The following PABIR2 variants were observed in gnomAD, a reference collection of about 807,000 sequenced individuals.
PABIR2 encodes family with sequence similarity 122B.
Under a neutral mutation model 22.8 loss-of-function variants are expected in PABIR2, and 7 were observed. The observed-to-expected ratio is 0.31, with a 90% CI of 0.17 to 0.58. The LOEUF is 0.58. PABIR2 is among the 20% of genes least tolerant of loss of function. PABIR2 has a pLI of 0.89. For missense variants in PABIR2, 155 were observed against 205.1 expected (o/e 0.76, Z 1.49); for synonymous variants, 67 against 73.8 (o/e 0.91, Z 0.47).
At chrX:134,780,037 C>T (rs181559250) in intron 9 of PABIR2, among the ~76,000 whole-genome samples, 1 of 112,577 alleles carries the variant, frequency 8.9e-6, no homozygotes, top group East Asian at 2.8e-4. Context: ...ATAGCTAGAA[C>T]AATCTAAAAG....
At chrX:134,772,466 A>T (rs2078858681) in intron 9 of PABIR2, among the ~76,000 whole-genome samples, 183 bp from the exon 10 acceptor site, 1 of 110,743 alleles carries the variant, frequency 9.0e-6, no homozygotes, top group Non-Finnish European at 1.9e-5. Context: ...CCAAAGTAAG[A>T]CTCTTCGAGG....
Position 134,771,476 on chromosome X carries a change from G to A in PABIR2, c.*663C>T. 2 of 1,048,969 alleles carry A rather than the reference G, an allele frequency of 1.9e-6. No individual in the cohort carries two copies. Among genetic ancestry groups the A allele is most frequent in the Non-Finnish European group, 1.2e-6 (1 of 821,302 alleles). The allele number at this position is 1,048,969 out of a possible 1,213,427, so 86.4% of individuals were successfully genotyped here. A position where few individuals can be genotyped will look rare whatever the true frequency, so the allele number is the denominator to read the frequency against. On this transcript the variant is annotated 3_prime_UTR_variant, in exon 10 of 10. Coordinates refer to ENST00000343004, the MANE Select transcript of PABIR2 (RefSeq NM_001387468.1). ...ACTAATCCAAGCATCCTGTAAGTCCGTTTACATTCTCAGCACTAAAATCAA... is the reference window on the plus strand; with the variant it reads ...ACTAATCCAAGCATCCTGTAAGTCCATTTACATTCTCAGCACTAAAATCAA...
chrX:134,778,920 CT>C (rs1194349278), intron 9 of PABIR2, among the ~76,000 whole-genome samples: 1 of 110,693 alleles, frequency 9.0e-6, no homozygotes, highest in African/African-American at 3.3e-5. Flanking sequence ...TCACGCCATT[CT>C]TCCTGCCTCA....
chrX:134,770,809 G>GT lies in PABIR2; in HGVS notation c.*1329dup, dbSNP rs2078826890. The GT allele has an allele frequency of 8.9e-6, 1 of 112,562 alleles. No homozygotes were observed. Among genetic ancestry groups the GT allele is most frequent in the Non-Finnish European group, 1.9e-5 (1 of 53,400 alleles). 9.3% of individuals were successfully genotyped at this position (112,562 alleles called of 1,213,427 possible). ...TCTTTTAAAAATTAAATAACTTATG[G>GT]TACCTCACACTTATAGCACATACAC... On this transcript the variant is annotated 3_prime_UTR_variant, in exon 10 of 10. Coordinates refer to ENST00000343004, the MANE Select transcript of PABIR2 (RefSeq NM_001387468.1).
chrX:134,773,480 T>C (rs2078887772), intron 9 of PABIR2, among the ~76,000 whole-genome samples: 1 of 110,982 alleles, frequency 9.0e-6, no homozygotes, highest in Admixed American at 9.7e-5. Context: ...TATGAGAATA[T>C]ATAACATGGG....
rs1360524869 is a variant in PABIR2, at chrX:134,770,045, C to T, written c.*2094G>A. ...TCCATTTCCTGACCTAATTCTATCC[C>T]ACCATTGAATTTCAAAAATTAATGT... On this transcript the variant is annotated 3_prime_UTR_variant, in exon 10 of 10. Transcript: ENST00000343004. 1 of 112,093 alleles carries T rather than the reference C, an allele frequency of 8.9e-6. No homozygotes were observed. The highest frequency in any genetic ancestry group is 3.2e-5 in the African/African-American group (1 of 30,777). 9.2% of individuals were successfully genotyped at this position (112,093 alleles called of 1,213,427 possible).
At chrX:134,778,776 G>A (rs1401965502) in intron 9 of PABIR2, among the ~76,000 whole-genome samples, 1 of 110,908 alleles carries the variant, frequency 9.0e-6, no homozygotes, top group Non-Finnish European at 1.9e-5. Flanking sequence ...CACTCTATGA[G>A]TGGCTGTGAA....
At chrX:134,781,059 A>G (rs1022113567) in intron 9 of PABIR2, among the ~76,000 whole-genome samples, 5 of 112,556 alleles carry the variant, frequency 4.4e-5, no homozygotes, top group African/African-American at 1.6e-4. Context: ...GAGCAGCTAC[A>G]ATCAATACAC....
At chrX:134,779,443 T>C (rs948320397) in intron 9 of PABIR2, among the ~76,000 whole-genome samples, 1 of 110,464 alleles carries the variant, frequency 9.1e-6, no homozygotes, top group African/African-American at 3.3e-5. Flanking sequence ...TAAAATAAAA[T>C]AAAAAGTTTC....
chrX:134,772,761 C>T (rs2078870279), intron 9 of PABIR2, among the ~76,000 whole-genome samples: 1 of 111,693 alleles, frequency 9.0e-6, no homozygotes, highest in Non-Finnish European at 1.9e-5. Context: ...GTTATCACTT[C>T]CCCATTCCCA....
intron 6 of PABIR2, among the ~76,000 whole-genome samples, chrX:134,788,098 TAC>T (rs1399044455): frequency 9.8e-6 from 1 of 101,882 alleles, no homozygotes; most frequent in Admixed American, 1.1e-4. Flanking sequence ...GTGTAATATA[TAC>T]ACGTTATATA....
intron 7 of PABIR2, 40 bp from the exon 8 acceptor site, chrX:134,785,990 C>G: frequency 8.7e-7 from 1 of 1,150,587 alleles, no homozygotes; most frequent in Non-Finnish European, 1.2e-6. Context: ...GAAGAACATC[C>G]ACGATGCAAG....
intron 2 of PABIR2, 127 bp from the exon 3 acceptor site, chrX:134,789,763 C>T: frequency 1.7e-6 from 1 of 574,408 alleles, no homozygotes; most frequent in Non-Finnish European, 2.7e-6. Flanking sequence ...CTCTTTAGAT[C>T]ACTGAACGTT....
chrX:134,785,813 A>C (rs2079298432), intron 8 of PABIR2, 73 bp downstream of exon 8: 1 of 999,326 alleles, frequency 1.0e-6, no homozygotes, highest in African/African-American at 1.9e-5. Flanking sequence ...AGAACACTTA[A>C]GATCTACTTT....
At chrX:134,774,547 G>A (rs1454056881) in intron 9 of PABIR2, among the ~76,000 whole-genome samples, 1 of 110,518 alleles carries the variant, frequency 9.0e-6, no homozygotes, top group Non-Finnish European at 1.9e-5. Flanking sequence ...GGTGAATCCT[G>A]TATTCATTCA....
intron 6 of PABIR2, among the ~76,000 whole-genome samples, chrX:134,788,163 A>T: frequency 1.1e-5 from 1 of 88,418 alleles, no homozygotes; most frequent in African/African-American, 4.4e-5. Context: ...TATATGTGTA[A>T]TATATACACG....
At chrX:134,791,958 C>G (rs2079561326) in intron 2 of PABIR2, among the ~76,000 whole-genome samples, 1 of 111,740 alleles carries the variant, frequency 8.9e-6, no homozygotes, top group Non-Finnish European at 1.9e-5. Context: ...CACTTGGAGT[C>G]TTCCTTCTCT....
chrX:134,788,959 G>A, intron 5 of PABIR2, 126 bp downstream of exon 5: 1 of 1,038,573 alleles, frequency 9.6e-7, no homozygotes, highest in Non-Finnish European at 1.3e-6. Context: ...GAAAAGCAGA[G>A]ATCAAAAAAC....
chrX:134,792,826 G>A (rs541973256), intron 2 of PABIR2, among the ~76,000 whole-genome samples: 5 of 112,186 alleles, frequency 4.5e-5, no homozygotes, highest in South Asian at 3.6e-4. Flanking sequence ...CTATGCAAGT[G>A]TAGGTATTAC....
Sources: gnomAD v4.1 joint callset for allele counts (sites outside exome capture counted in the v4.1 genomes callset) on GRCh38, gnomAD v4.1.1 for gene constraint, MANE v1.5 for transcripts, NCBI Gene and HGNC (gene_info 2026-07-23, HGNC 2026-07-21) for gene names.